OTC: variants seen among roughly 807,000 people sequenced by gnomAD.
OTC encodes the protein ornithine transcarbamylase, mitochondrial.
Under a neutral mutation model 30.3 loss-of-function variants are expected in OTC, and 3 were observed. The ratio of observed to expected loss-of-function variants is 0.10; its 90% CI spans 0.05 to 0.26. The LOEUF is 0.26. OTC is among the 10% of genes least tolerant of loss of function. The pLI is 1.00. For synonymous variants in OTC, 111 were observed against 99.7 expected (o/e 1.11, Z -0.67); for missense variants, 194 against 260.3 (o/e 0.75, Z 1.75).
At chrX:38,403,817 G>T (rs767811959) in intron 6 of OTC, 77 bp downstream of exon 6, 29 of 1,089,104 alleles carry the variant, frequency 2.7e-5, no homozygotes, top group Non-Finnish European at 3.6e-5. Context: ...GACAAAAAAA[G>T]CTCTCTTCCA....
the OTC span, among the ~76,000 whole-genome samples, chrX:38,331,310 G>A: frequency 4.6e-5 from 5 of 108,162 alleles, no homozygotes; most frequent in African/African-American, 1.7e-4. Context: ...CTGGAGTGCA[G>A]GGGCATGATC....
chrX:38,333,521 C>T, the OTC span, among the ~76,000 whole-genome samples: 1 of 111,619 alleles, frequency 9.0e-6, no homozygotes, highest in South Asian at 3.8e-4. Context: ...CCAAATATTC[C>T]TCTGCTCCTT....
At chrX:38,392,252 A>T (rs1260908468) in intron 4 of OTC, among the ~76,000 whole-genome samples, 1 of 112,517 alleles carries the variant, frequency 8.9e-6, no homozygotes, top group Non-Finnish European at 1.9e-5. Flanking sequence ...CTAATGCCAA[A>T]GATTGTCTGC....
intron 1 of OTC, among the ~76,000 whole-genome samples, chrX:38,357,716 C>T (rs2068248913): frequency 8.9e-6 from 1 of 112,725 alleles, no homozygotes. Flanking sequence ...AGCAAATACT[C>T]TTCCATTTTG....
intron 9 of OTC, among the ~76,000 whole-genome samples, chrX:38,415,466 T>C (rs17274141): frequency 0.14 from 16,113 of 111,165 alleles, 1,071 homozygotes; most frequent in East Asian, 0.44. Flanking sequence ...GTTCTAATAC[T>C]TGTCTTCCTC....
At chrX:38,337,884 T>G in the OTC span, among the ~76,000 whole-genome samples, 1 of 110,749 alleles carries the variant, frequency 9.0e-6, no homozygotes, top group Non-Finnish European at 1.9e-5. Context: ...GACAGGAGGA[T>G]GATGAGAACT....
chrX:38,329,741 C>T, the OTC span, among the ~76,000 whole-genome samples: 2 of 111,461 alleles, frequency 1.8e-5, no homozygotes, highest in Admixed American at 1.9e-4. Context: ...TAGGGTGTAA[C>T]CTTTGTAAGT....
Position 38,367,321 on chromosome X carries a change from G to A in OTC, c.108G>A (p.Gln36=). The A allele has an allele frequency of 8.3e-7, 1 of 1,205,770 alleles. No individual in the cohort carries two copies. The highest frequency in any genetic ancestry group is 1.1e-6 in the Non-Finnish European group (1 of 890,025). Residue 36 remains glutamine, a synonymous_variant, in exon 2 of 10, where the codon CAG becomes CAA. Coordinates refer to ENST00000039007, the MANE Select transcript of OTC (RefSeq NM_000531.6). ...RCGQPLQNKV[Q]LKGRDLLTLK... ...GACAACCACTACAAAATAAAGTGCA[G>A]CTGAAGGGCCGTGACCTTCTCACTC...
chrX:38,384,952 G>C (rs1444507789), intron 4 of OTC, among the ~76,000 whole-genome samples: 1 of 111,913 alleles, frequency 8.9e-6, no homozygotes, highest in Non-Finnish European at 1.9e-5. Flanking sequence ...TCCAGACATT[G>C]TTTTAGCACT....
At chrX:38,351,949 C>T (rs900113572), upstream of OTC, among the ~76,000 whole-genome samples, 6 of 110,515 alleles carry the variant, frequency 5.4e-5, no homozygotes, top group African/African-American at 2.0e-4. Context: ...TTAGTGGAGA[C>T]GGGGATTCAC....
At chrX:38,361,951 T>A (rs1238283725) in intron 1 of OTC, among the ~76,000 whole-genome samples, 1 of 110,824 alleles carries the variant, frequency 9.0e-6, no homozygotes, top group Non-Finnish European at 1.9e-5. Context: ...TCCCACACAC[T>A]ACCATGCAAA....
intron 6 of OTC, among the ~76,000 whole-genome samples, chrX:38,405,187 C>A (rs751828008): frequency 9.0e-6 from 1 of 111,595 alleles, no homozygotes; most frequent in East Asian, 2.8e-4. Context: ...TGCATCCAGC[C>A]AAAACAAAAC....
intron 4 of OTC, among the ~76,000 whole-genome samples, chrX:38,396,542 G>T (rs2068458078): frequency 9.0e-6 from 1 of 111,358 alleles, no homozygotes; most frequent in African/African-American, 3.3e-5. Context: ...GAGAGTCTGA[G>T]ACGGGTGATC....
chrX:38,331,003 A>T, the OTC span, among the ~76,000 whole-genome samples: 1 of 111,986 alleles, frequency 8.9e-6, no homozygotes, highest in African/African-American at 3.3e-5. Flanking sequence ...CTATGAGGGC[A>T]GGGAGGTTTG....
chrX:38,337,037 G>C, the OTC span, among the ~76,000 whole-genome samples: 1 of 111,381 alleles, frequency 9.0e-6, no homozygotes, highest in East Asian at 2.8e-4. Context: ...TCGTTGGAAA[G>C]CCCCTTTATC....
chrX:38,341,487 ATGAC>A, the OTC span, among the ~76,000 whole-genome samples: 16 of 112,043 alleles, frequency 1.4e-4, no homozygotes, highest in Non-Finnish European at 2.6e-4. Context: ...ACTTTAGAAA[ATGAC>A]TGAGTTGTTT....
chrX:38,337,605 C>T, the OTC span, among the ~76,000 whole-genome samples: 1 of 111,769 alleles, frequency 8.9e-6, no homozygotes, highest in Admixed American at 9.5e-5. Context: ...TCACTGGGAG[C>T]GTTTGCCGTA....
At chrX:38,403,314 T>C (rs1264227649) in intron 5 of OTC, among the ~76,000 whole-genome samples, 1 of 111,902 alleles carries the variant, frequency 8.9e-6, no homozygotes, top group Non-Finnish European at 1.9e-5. Flanking sequence ...TGGATGTTAA[T>C]GGTGCTCATT....
intron 3 of OTC, among the ~76,000 whole-genome samples, chrX:38,374,826 A>T (rs1276662371): frequency 2.7e-5 from 3 of 111,829 alleles, no homozygotes; most frequent in Non-Finnish European, 5.6e-5. Context: ...ACAATAAATA[A>T]TTTTTTGACG....
Sources: allele counts gnomAD v4.1 joint callset (sites outside exome capture counted in the v4.1 genomes callset), GRCh38; gene constraint gnomAD v4.1.1; transcripts MANE v1.5; gene names NCBI Gene and HGNC (gene_info 2026-07-23, HGNC 2026-07-21).